Variants in GTF2F2 observed in about 807,000 individuals in gnomAD.
GTF2F2 encodes ATP-dependent helicase GTF2F2.
Under a neutral mutation model 42.2 loss-of-function variants are expected in GTF2F2, and 23 were observed. That is an observed-to-expected ratio of 0.55 (90% confidence interval 0.39 to 0.77). The LOEUF (loss-of-function observed/expected upper bound fraction) is 0.77, where lower values mean the gene tolerates loss of function less well. Among genes scored for constraint, GTF2F2 ranks in the 30% least tolerant of loss-of-function variants. The pLI is 0.00. For synonymous variants in GTF2F2, 105 were observed against 100.8 expected (o/e 1.04, Z -0.25); for missense variants, 261 against 287.2 (o/e 0.91, Z 0.66).
At position 45,120,598 on chromosome 13, in the gene GTF2F2, G is replaced by C; in HGVS notation, c.-58G>C. 7.6e-7 allele frequency: 1 copy of C among 1,315,174 alleles called. No homozygotes were observed. Among genetic ancestry groups the C allele is most frequent in the Non-Finnish European group, 1.1e-6 (1 of 932,930 alleles). The allele number at this position is 1,315,174 out of a possible 1,614,324, so 81.5% of individuals were successfully genotyped here. Reference sequence around the variant, plus strand: ...CTTTGTTCCGGACGCCCGCTCCTCAGCCCTGCGGCTCCTGGGGTCGCTGCT... The same window carrying C: ...CTTTGTTCCGGACGCCCGCTCCTCACCCCTGCGGCTCCTGGGGTCGCTGCT... On this transcript the variant is annotated 5_prime_UTR_variant, in exon 1 of 8. Transcript: ENST00000340473.
intron 2 of GTF2F2, among the ~76,000 whole-genome samples, chr13:45,144,095 T>G (rs996941674): frequency 7.2e-5 from 11 of 151,892 alleles, no homozygotes; most frequent in African/African-American, 2.7e-4. Flanking sequence ...CTACTAAAAA[T>G]ACAAAAATTA....
intron 4 of GTF2F2, chr13:45,193,540 C>T: frequency 2.6e-6 from 1 of 380,976 alleles, no homozygotes. Context: ...AGCTTTCAGT[C>T]TTTATTTACA....
intron 4 of GTF2F2, among the ~76,000 whole-genome samples, chr13:45,169,240 T>C (rs1307359614): frequency 6.6e-6 from 1 of 152,020 alleles, no homozygotes; most frequent in African/African-American, 2.4e-5. Context: ...AAAGAGGCGA[T>C]GAATTTAAAA....
intron 1 of GTF2F2, among the ~76,000 whole-genome samples, chr13:45,130,426 A>G (rs553478067): frequency 6.6e-6 from 1 of 152,346 alleles, no homozygotes; most frequent in Non-Finnish European, 1.5e-5. Context: ...TTTGAGCAGA[A>G]CAGTATCATC....
chr13:45,122,269 G>GA (rs540713189), intron 1 of GTF2F2, among the ~76,000 whole-genome samples: 2,183 of 147,002 alleles, frequency 0.015, 60 homozygotes, highest in African/African-American at 0.047. Flanking sequence ...ATTTATTCAG[G>GA]AAAAAAAAAA....
At chr13:45,256,883 C>T (rs535240486) in intron 6 of GTF2F2, among the ~76,000 whole-genome samples, 7 of 152,084 alleles carry the variant, frequency 4.6e-5, no homozygotes, top group African/African-American at 1.7e-4. Context: ...GTGTTTCATT[C>T]TAACAGTTGA....
intron 2 of GTF2F2, among the ~76,000 whole-genome samples, chr13:45,140,678 C>T (rs938361339): frequency 2.6e-5 from 4 of 152,022 alleles, no homozygotes; most frequent in African/African-American, 9.7e-5. Flanking sequence ...TTGAAATGTA[C>T]AGGTTTTTTT....
chr13:45,247,774 T>C (rs1875704690), intron 5 of GTF2F2, among the ~76,000 whole-genome samples: 1 of 152,224 alleles, frequency 6.6e-6, no homozygotes, highest in Non-Finnish European at 1.5e-5. Flanking sequence ...CTTCACCAAC[T>C]TGAATTTCCA....
intron 4 of GTF2F2, among the ~76,000 whole-genome samples, chr13:45,156,428 T>C (rs1045816847): frequency 2.0e-5 from 3 of 152,222 alleles, no homozygotes; most frequent in African/African-American, 7.2e-5. Flanking sequence ...TGGCATTCTT[T>C]TACCTGTCAT....
intron 4 of GTF2F2, among the ~76,000 whole-genome samples, chr13:45,202,362 A>G (rs927635345): frequency 1.3e-5 from 2 of 152,090 alleles, no homozygotes; most frequent in Admixed American, 6.5e-5. Flanking sequence ...ACTCCAGTCT[A>G]GGCAACAGAG....
At chr13:45,268,629 A>G (rs1199833109) in intron 7 of GTF2F2, among the ~76,000 whole-genome samples, 1 of 152,118 alleles carries the variant, frequency 6.6e-6, no homozygotes, top group East Asian at 1.9e-4. Flanking sequence ...TAAATAACTC[A>G]TTAGCTAAGC....
chr13:45,166,094 G>A (rs559792831), intron 4 of GTF2F2, among the ~76,000 whole-genome samples: 5 of 152,132 alleles, frequency 3.3e-5, no homozygotes, highest in South Asian at 4.2e-4. Context: ...GATTACAGGC[G>A]TGAGCCACCA....
At chr13:45,240,915 G>A (rs1017538266) in intron 5 of GTF2F2, among the ~76,000 whole-genome samples, 3 of 151,244 alleles carry the variant, frequency 2.0e-5, no homozygotes, top group African/African-American at 7.3e-5. Context: ...CCAGGTGGGC[G>A]GATCACTTGA....
Position 45,246,282 on chromosome 13 carries a change from A to T in GTF2F2, c.387-6589A>T, listed in dbSNP as rs1336513941. ...CTCCTTGGCCTTCCAAAGTGCTGGGATTACAGGCGTGAGCCACCGCGCCCG... is the reference window on the plus strand; with the variant it reads ...CTCCTTGGCCTTCCAAAGTGCTGGGTTTACAGGCGTGAGCCACCGCGCCCG... On this transcript the variant is annotated intron_variant, in intron 5 of 7. Transcript: ENST00000340473. Among the ~76,000 whole-genome samples, 10 of 152,134 alleles carry T rather than the reference A, an allele frequency of 6.6e-5. No individual in the cohort carries two copies. In the South Asian group the frequency reaches 1.9e-3, roughly 28 times the overall value.
rs1873460362 is a variant in GTF2F2 at position 45,207,393 on chromosome 13, A to G, written c.305-31A>G. On this transcript the variant is annotated intron_variant, in intron 4 of 7. Coordinates refer to ENST00000340473, the MANE Select transcript of GTF2F2 (RefSeq NM_004128.3). ...TACAGTCTTGAAAATGATAAGTATT[A>G]TCTCTGAATCCTTTTTTTTTTCCAT... 4.6e-6 allele frequency: 6 copies of G among 1,309,504 alleles called. No individual in the cohort carries two copies. The Admixed American group carries it at 5.1e-5, about 11-fold the overall frequency. 81.1% of individuals were successfully genotyped at this position (1,309,504 alleles called of 1,614,324 possible).
At chr13:45,251,643 A>AT (rs1417703566) in intron 5 of GTF2F2, among the ~76,000 whole-genome samples, 1 of 151,544 alleles carries the variant, frequency 6.6e-6, no homozygotes, top group East Asian at 1.9e-4. Flanking sequence ...ATCGTTTTCA[A>AT]TTTTTTTGCT....
chr13:45,131,351 G>A (rs1370061553), intron 1 of GTF2F2, among the ~76,000 whole-genome samples: 1 of 152,168 alleles, frequency 6.6e-6, no homozygotes, highest in Non-Finnish European at 1.5e-5. Context: ...GGGAGAAATC[G>A]AGAGAGTGTG....
At chr13:45,214,827 T>C (rs1328988501) in intron 5 of GTF2F2, among the ~76,000 whole-genome samples, 1 of 150,756 alleles carries the variant, frequency 6.6e-6, no homozygotes, top group Admixed American at 6.6e-5. Flanking sequence ...AACATAAATA[T>C]AAGGCAATCA....
intron 4 of GTF2F2, among the ~76,000 whole-genome samples, chr13:45,196,428 C>A (rs900858367): frequency 2.0e-5 from 3 of 152,082 alleles, no homozygotes; most frequent in Admixed American, 2.0e-4. Flanking sequence ...TAGATTAAGT[C>A]TTTTCTGTCA....
Sources: allele counts gnomAD v4.1 joint callset (sites outside exome capture counted in the v4.1 genomes callset), GRCh38; gene constraint gnomAD v4.1.1; transcripts MANE v1.5; gene names NCBI Gene and HGNC (gene_info 2026-07-23, HGNC 2026-07-21).